The following CSMD1 variants were observed in gnomAD, a reference collection of about 807,000 sequenced individuals.
CSMD1 encodes CUB and sushi domain-containing protein 1.
CSMD1 carries 213 observed loss-of-function variants against 417.5 expected under a neutral mutation model. That is an observed-to-expected ratio of 0.51 (90% CI 0.46 to 0.57). The LOEUF (loss-of-function observed/expected upper bound fraction) is 0.57, where lower values mean the gene tolerates loss of function less well. Ranked by LOEUF, CSMD1 falls within the 20% of genes least tolerant of loss-of-function variation. The probability of loss-of-function intolerance (pLI) is 0.00; values close to 1 mark genes in which losing one functional copy is unlikely to be tolerated. For synonymous variants in CSMD1, 2,862 were observed against 1,736.8 expected (o/e 1.65, Z -16.11); for missense variants, 6,923 against 4,529.7 (o/e 1.53, Z -15.17).
intron 11 of CSMD1, among the ~76,000 whole-genome samples, chr8:3,474,713 C>T (rs1342520457): frequency 6.6e-6 from 1 of 151,996 alleles, no homozygotes; most frequent in Non-Finnish European, 1.5e-5. Context: ...TTTCCAAAGA[C>T]CTATTAATGA....
intron 3 of CSMD1, among the ~76,000 whole-genome samples, chr8:4,392,329 G>A (rs1427242940): frequency 6.6e-6 from 1 of 152,128 alleles, no homozygotes; most frequent in South Asian, 2.1e-4. Flanking sequence ...TGGGGACCAC[G>A]GATATGTAGG....
At chr8:3,786,216 G>A (rs1799449828) in intron 5 of CSMD1, among the ~76,000 whole-genome samples, 1 of 152,146 alleles carries the variant, frequency 6.6e-6, no homozygotes. Context: ...GGGCACGTTG[G>A]GATCAAGGTG....
At chr8:3,423,403 A>AT (rs1401502719) in intron 12 of CSMD1, among the ~76,000 whole-genome samples, 9 of 152,208 alleles carry the variant, frequency 5.9e-5, no homozygotes, top group Admixed American at 1.3e-4. Context: ...CTCTTCCAGA[A>AT]TTTCATATAA....
At chr8:4,091,109 G>C (rs557771812) in intron 3 of CSMD1, among the ~76,000 whole-genome samples, 4 of 152,008 alleles carry the variant, frequency 2.6e-5, no homozygotes, top group African/African-American at 7.2e-5. Flanking sequence ...AGTAGAGATG[G>C]GGTTTCACCA....
At chr8:4,453,801 G>A (rs901345203) in intron 2 of CSMD1, among the ~76,000 whole-genome samples, 2 of 139,126 alleles carry the variant, frequency 1.4e-5, no homozygotes, top group Non-Finnish European at 3.1e-5. Flanking sequence ...GAACAAGATT[G>A]CGCAATTCGT....
At chr8:3,133,319 T>C (rs1317612243) in intron 41 of CSMD1, among the ~76,000 whole-genome samples, 1 of 152,142 alleles carries the variant, frequency 6.6e-6, no homozygotes, top group East Asian at 1.9e-4. Flanking sequence ...GAGGCTACTT[T>C]CCACTACCCT....
intron 1 of CSMD1, among the ~76,000 whole-genome samples, chr8:4,858,381 T>C: frequency 6.6e-6 from 1 of 151,232 alleles, no homozygotes. Context: ...CTCTCACCAC[T>C]CCTATTCAAC....
At chr8:4,033,519 C>T (rs1797465187) in intron 3 of CSMD1, among the ~76,000 whole-genome samples, 1 of 152,170 alleles carries the variant, frequency 6.6e-6, no homozygotes, top group Non-Finnish European at 1.5e-5. Context: ...AGTTGTCCCG[C>T]CTTTCCAGAC....
In CSMD1 at chr8:4,296,862, C is replaced by G. The variant is rs78967425; in HGVS notation, c.415+123091G>C. 8.6e-5 allele frequency among the ~76,000 whole-genome samples: 13 copies of G among 152,026 alleles called. No individual in the cohort carries two copies. In the East Asian group the frequency reaches 2.1e-3, roughly 25 times the overall value. On this transcript the variant is annotated intron_variant, in intron 3 of 69. Coordinates refer to ENST00000635120, the MANE Select transcript of CSMD1 (RefSeq NM_033225.6). ...AGGGCCTGCTATCTCCCAGACTTGT[C>G]TTAGACTCCCAATTTTTTTAAAAAT...
chr8:3,668,079 G>A (rs778602825), intron 7 of CSMD1, among the ~76,000 whole-genome samples: 2 of 152,162 alleles, frequency 1.3e-5, no homozygotes, highest in Non-Finnish European at 2.9e-5. Flanking sequence ...ATCAGGTGCA[G>A]TCATTCTACC....
chr8:4,978,348 G>C (rs750026574), intron 1 of CSMD1, among the ~76,000 whole-genome samples: 2 of 152,192 alleles, frequency 1.3e-5, no homozygotes, highest in Middle Eastern at 3.4e-3. Flanking sequence ...TCTAAAGCCA[G>C]AAGGAAAAAG....
At chr8:4,903,673 T>A (rs940950603) in intron 1 of CSMD1, among the ~76,000 whole-genome samples, 1 of 152,186 alleles carries the variant, frequency 6.6e-6, no homozygotes, top group African/African-American at 2.4e-5. Flanking sequence ...CAGGACTAAA[T>A]GTTTATACCA....
chr8:3,584,463 T>C (rs1384190965), intron 9 of CSMD1, among the ~76,000 whole-genome samples: 1 of 152,056 alleles, frequency 6.6e-6, no homozygotes. Flanking sequence ...AGCTGGGGGG[T>C]TGAGAAGGAT....
intron 10 of CSMD1, among the ~76,000 whole-genome samples, chr8:3,513,264 T>A: frequency 6.6e-6 from 1 of 152,106 alleles, no homozygotes; most frequent in East Asian, 1.9e-4. Context: ...GAAATTATTT[T>A]GTTTTTTGTA....
chr8:3,674,577 C>T (rs556323116), intron 7 of CSMD1, among the ~76,000 whole-genome samples: 4 of 148,622 alleles, frequency 2.7e-5, no homozygotes, highest in Admixed American at 2.0e-4. Flanking sequence ...CTACATTAAG[C>T]TACTGCAAAA....
chr8:3,696,984 G>A (rs947291091), intron 7 of CSMD1, among the ~76,000 whole-genome samples: 1 of 152,108 alleles, frequency 6.6e-6, no homozygotes, highest in Non-Finnish European at 1.5e-5. Flanking sequence ...GATCGTAGGG[G>A]CCCCAGGATC....
chr8:4,413,028 G>A (rs1356756662), intron 3 of CSMD1, among the ~76,000 whole-genome samples: 3 of 152,118 alleles, frequency 2.0e-5, no homozygotes, highest in Admixed American at 6.6e-5. Flanking sequence ...TCTATACAAT[G>A]TTCTTTCCAG....
At chr8:4,852,448 G>A (rs981371819) in intron 1 of CSMD1, among the ~76,000 whole-genome samples, 1 of 152,090 alleles carries the variant, frequency 6.6e-6, no homozygotes, top group Non-Finnish European at 1.5e-5. Flanking sequence ...CTTCCAACAT[G>A]ATTGAATGCT....
intron 3 of CSMD1, among the ~76,000 whole-genome samples, chr8:4,042,365 A>T (rs941406609): frequency 1.3e-5 from 2 of 152,180 alleles, no homozygotes; most frequent in African/African-American, 4.8e-5. Context: ...AAAGAATGAA[A>T]CCAAGGAGAG....
Sources: gnomAD v4.1 joint callset for allele counts (sites outside exome capture counted in the v4.1 genomes callset) on GRCh38, gnomAD v4.1.1 for gene constraint, MANE v1.5 for transcripts, NCBI Gene and HGNC (gene_info 2026-07-23, HGNC 2026-07-21) for gene names.